The following CLEC5A variants were observed in gnomAD, a reference collection of about 807,000 sequenced individuals.
CLEC5A encodes the protein C-type lectin domain family 5 member A.
CLEC5A carries 15 observed loss-of-function variants against 24.4 expected under a neutral mutation model. The observed-to-expected ratio is 0.62, with a 90% CI of 0.41 to 0.95. CLEC5A has a LOEUF of 0.95. CLEC5A is among the 40% of genes least tolerant of loss of function. The pLI is 0.00. For missense variants in CLEC5A, 211 were observed against 224.0 expected (o/e 0.94, Z 0.37); for synonymous variants, 71 against 72.6 (o/e 0.98, Z 0.11).
intron 4 of CLEC5A, among the ~76,000 whole-genome samples, chr7:141,941,869 C>T (rs1244158055): frequency 6.6e-6 from 1 of 151,716 alleles, no homozygotes. Flanking sequence ...TTAATTTAGC[C>T]AAAGAAGTGA....
intron 4 of CLEC5A, among the ~76,000 whole-genome samples, chr7:141,937,702 T>A (rs182819197): frequency 2.0e-5 from 3 of 152,204 alleles, no homozygotes; most frequent in Non-Finnish European, 2.9e-5. Flanking sequence ...CATGTAGTGG[T>A]TACAGTGGGC....
chr7:141,945,286 T>C (rs1802919283), intron 3 of CLEC5A, 55 bp downstream of exon 3: 2 of 1,256,088 alleles, frequency 1.6e-6, no homozygotes, highest in African/African-American at 3.0e-5. Context: ...TCTCTAGGAA[T>C]TCAGCATAGA....
Position 141,930,185 on chromosome 7 carries a change from C to A in CLEC5A, c.486G>T (p.Ala162=), listed in dbSNP as rs782338658. The A allele has an allele frequency of 6.2e-7, 1 of 1,613,970 alleles. No individual in the cohort carries two copies. The highest frequency in any genetic ancestry group is 8.5e-7 in the Non-Finnish European group (1 of 1,179,936). Residue 162 remains alanine (A), a synonymous_variant, in exon 7 of 7, where the codon GCG becomes GCT. Coordinates refer to ENST00000546910, the MANE Select transcript of CLEC5A (RefSeq NM_013252.3). ...CAAATGTCTTTGTTAGGCCAATGGT[C>A]GCACAGTTGAAATTCTGATTCTGAT... The part of the protein sequence containing the change: ...VTNQNQNFNC[A]TIGLTKTFDA...
intron 4 of CLEC5A, among the ~76,000 whole-genome samples, chr7:141,937,487 G>A (rs782360581): frequency 3.3e-5 from 5 of 152,194 alleles, no homozygotes; most frequent in East Asian, 1.9e-4. Flanking sequence ...CTCATGAATC[G>A]AGTTTCAGCT....
In CLEC5A at chr7:141,937,218, C is replaced by A. The variant is rs113004298; in HGVS notation, c.209-1268G>T. Among the ~76,000 whole-genome samples the A allele has an allele frequency of 4.3e-3, 659 of 152,048 alleles. 5 individuals are homozygous for A. Among genetic ancestry groups the A allele is most frequent in the African/African-American group, 0.015 (633 of 41,486 alleles). On this transcript the variant is annotated intron_variant, in intron 4 of 6. Transcript: ENST00000546910. ...CTGGCCACAGAGAAGTAAAGGTCAG[C>A]TCTTGGGGTCCAAGATTCTAGGCCT... is the stretch of plus-strand genomic sequence containing the variant.
At position 141,935,815 on chromosome 7, in the gene CLEC5A, A is replaced by G. The variant is rs1802602319; in HGVS notation, c.344T>C (p.Leu115Pro). 6.2e-7 allele frequency: 1 copy of G among 1,613,862 alleles called. No homozygotes were observed. The highest frequency in any genetic ancestry group is 1.7e-5 in the Admixed American group (1 of 59,994). Reference protein sequence around the residue: ...TLAIVNTPEKLKFLQDITDAE... With the variant: ...TLAIVNTPEKPKFLQDITDAE... Reference sequence around the variant, plus strand: ...ACTGTACCATTCCAGTGTTCTCACCAGTTTCTCTGGCGTGTTGACAATTGC... The same window carrying G: ...ACTGTACCATTCCAGTGTTCTCACCGGTTTCTCTGGCGTGTTGACAATTGC... The change falls in exon 5 of 7, where the codon CTG becomes CCG. Residue 115 changes from leucine to proline, a missense_variant and splice_region_variant. Transcript: ENST00000546910.
rs782744215 is a variant in CLEC5A, at chr7:141,946,307, A to G, written c.-15T>C. Reference sequence around the variant, plus strand: ...TGCCAGTTCATGATGAAGGAGCTGCAGGGGCCTGTGAAGATTAGAGCACAG... The same window carrying G: ...TGCCAGTTCATGATGAAGGAGCTGCGGGGGCCTGTGAAGATTAGAGCACAG... On this transcript the variant is annotated 5_prime_UTR_variant, in exon 2 of 7. Transcript: ENST00000546910. 6.4e-7 allele frequency: 1 copy of G among 1,559,642 alleles called. No individual in the cohort carries two copies.
chr7:141,941,479 G>T (rs1183803087), intron 4 of CLEC5A, among the ~76,000 whole-genome samples: 1 of 152,002 alleles, frequency 6.6e-6, no homozygotes, highest in African/African-American at 2.4e-5. Context: ...TATATTGAAT[G>T]GGGAAAAAAT....
At chr7:141,936,620 A>C (rs1802637676) in intron 4 of CLEC5A, among the ~76,000 whole-genome samples, 1 of 152,140 alleles carries the variant, frequency 6.6e-6, no homozygotes, top group Non-Finnish European at 1.5e-5. Flanking sequence ...CTTGAAGGGT[A>C]GTCTAGGCCA....
At position 141,929,219 on chromosome 7, in the gene CLEC5A, G is replaced by A. The variant is rs1282991246; in HGVS notation, c.*885C>T. On this transcript the variant is annotated 3_prime_UTR_variant, in exon 7 of 7. Transcript: ENST00000546910. The stretch of plus-strand genomic sequence containing the variant: ...GGTCAGTAGGCTGTGCCTGGTATCA[G>A]GCTTTCTCCAGAACTGAAGGGATGA... 6.6e-6 allele frequency: 1 copy of A among 152,164 alleles called. No individual in the cohort carries two copies. Among genetic ancestry groups the A allele is most frequent in the Non-Finnish European group, 1.5e-5 (1 of 68,066 alleles). The allele number at this position is 152,164 out of a possible 1,614,324, so 9.4% of individuals were successfully genotyped here. A position where few individuals can be genotyped will look rare whatever the true frequency, so the allele number is the denominator to read the frequency against.
intron 5 of CLEC5A, among the ~76,000 whole-genome samples, chr7:141,933,271 T>C (rs1447077641): frequency 6.6e-6 from 1 of 151,980 alleles, no homozygotes; most frequent in Non-Finnish European, 1.5e-5. Flanking sequence ...ATACCTGAGA[T>C]GAATTTTAGG....
At chr7:141,934,019 G>A (rs1802544663) in intron 5 of CLEC5A, among the ~76,000 whole-genome samples, 1 of 152,178 alleles carries the variant, frequency 6.6e-6, no homozygotes, top group African/African-American at 2.4e-5. Context: ...GGCCCCCTGA[G>A]TGTTCTTTCA....
intron 4 of CLEC5A, 32 bp from the exon 5 acceptor site, chr7:141,935,982 T>G (rs200398531): frequency 1.9e-6 from 3 of 1,603,606 alleles, no homozygotes; most frequent in Admixed American, 1.7e-5. Flanking sequence ...GAGTACGAGT[T>G]TACTGGTTTG....
rs782443124 is a variant in CLEC5A at position 141,930,140 on chromosome 7, G to A, written c.531C>T (p.Ile177=). ...TKTFDAASCD[I]SYRRICEKNA... ...TCTTCTCACAGATCCTGCGGTAGCT[G>A]ATGTCACATGATGCAGCATCAAATG... The change falls in exon 7 of 7, where the codon ATC becomes ATT. Residue 177 remains isoleucine, a synonymous_variant. Transcript: ENST00000546910. The A allele has an allele frequency of 1.9e-6, 3 of 1,614,144 alleles. No homozygotes were observed. The highest frequency in any genetic ancestry group is 2.7e-5 in the African/African-American group (2 of 75,042).
intron 4 of CLEC5A, 63 bp downstream of exon 4, chr7:141,943,833 C>G: frequency 8.8e-7 from 1 of 1,137,216 alleles, no homozygotes; most frequent in South Asian, 1.2e-5. Flanking sequence ...TGGGAGAAAT[C>G]TCTAAGAATT....
intron 3 of CLEC5A, among the ~76,000 whole-genome samples, chr7:141,944,347 C>T (rs546068857): frequency 1.3e-5 from 2 of 152,284 alleles, no homozygotes; most frequent in African/African-American, 4.8e-5. Flanking sequence ...CTCGCCCAGG[C>T]TCCACACAGC....
rs111936430 is a variant in CLEC5A, at chr7:141,934,984, T to A, written c.345+830A>T. Reference sequence around the variant, plus strand: ...CTCCTTTCCTCTTTTCATTCCCCTGTCTTGCTCCTGTTTTTCTATCTTAAG... The same window carrying A: ...CTCCTTTCCTCTTTTCATTCCCCTGACTTGCTCCTGTTTTTCTATCTTAAG... On this transcript the variant is annotated intron_variant, in intron 5 of 6. Transcript: ENST00000546910. Among the ~76,000 whole-genome samples the A allele has an allele frequency of 4.3e-3, 660 of 152,296 alleles. 5 individuals are homozygous for A. The highest frequency in any genetic ancestry group is 0.015 in the African/African-American group (635 of 41,552).
chr7:141,930,283 C>T, intron 6 of CLEC5A, 65 bp from the exon 7 acceptor site: 4 of 1,216,906 alleles, frequency 3.3e-6, no homozygotes. Context: ...GATGGCCCAT[C>T]ATTTTAGCCC....
chr7:141,942,709 G>A lies in CLEC5A; in HGVS notation c.208+1187C>T, dbSNP rs568838115. Among the ~76,000 whole-genome samples, 133 of 151,950 alleles carry A rather than the reference G, an allele frequency of 8.8e-4. 1 individual carries two copies. Among genetic ancestry groups the A allele is most frequent in the African/African-American group, 3.1e-3 (128 of 41,466 alleles). ...GGTATTAATAACCAGAATATATAAG[G>A]AGCCCAAACAACTGTATAGGAAAAA... On this transcript the variant is annotated intron_variant, in intron 4 of 6. Coordinates refer to ENST00000546910, the MANE Select transcript of CLEC5A (RefSeq NM_013252.3).
Sources: allele counts gnomAD v4.1 joint callset (sites outside exome capture counted in the v4.1 genomes callset), GRCh38; gene constraint gnomAD v4.1.1; transcripts MANE v1.5; gene names NCBI Gene and HGNC (gene_info 2026-07-23, HGNC 2026-07-21).